Variants in CENPC observed in about 807,000 individuals in gnomAD.
CENPC encodes the protein centromere protein C.
CENPC carries 63 observed loss-of-function variants against 112.1 expected under a neutral mutation model. The observed-to-expected ratio is 0.56, with a 90% CI of 0.46 to 0.69. CENPC has a LOEUF of 0.69. Among genes scored for constraint, CENPC ranks in the 30% least tolerant of loss-of-function variants. The pLI is 0.00. For missense variants in CENPC, 1,000 were observed against 1,103.8 expected (o/e 0.91, Z 1.33); for synonymous variants, 333 against 367.6 (o/e 0.91, Z 1.08).
chr4:67,483,038 T>C (rs1425297119), intron 17 of CENPC, among the ~76,000 whole-genome samples: 1 of 152,032 alleles, frequency 6.6e-6, no homozygotes, highest in Admixed American at 6.6e-5. Context: ...AAGGGGCTTT[T>C]CCCCCTCGCT....
chr4:67,473,531 T>C (rs1235428672), intron 18 of CENPC, among the ~76,000 whole-genome samples: 1 of 152,130 alleles, frequency 6.6e-6, no homozygotes, highest in Non-Finnish European at 1.5e-5. Context: ...CTTGCAGCAA[T>C]ACATGGACAT....
intron 11 of CENPC, 99 bp from the exon 12 acceptor site, chr4:67,505,383 T>C (rs1332560188): frequency 4.3e-6 from 3 of 705,860 alleles, no homozygotes; most frequent in Non-Finnish European, 7.2e-6. Flanking sequence ...CTGCCATAAG[T>C]CTTTCTTATA....
At chr4:67,516,806 T>A (rs1726070543) in intron 7 of CENPC, among the ~76,000 whole-genome samples, 1 of 151,944 alleles carries the variant, frequency 6.6e-6, no homozygotes, top group African/African-American at 2.4e-5. Flanking sequence ...TTAGGCTAGA[T>A]CTTGGAGGAT....
rs549787948 is a variant in CENPC at position 67,491,634 on chromosome 4, A to G, written c.2515+546T>C. On this transcript the variant is annotated intron_variant, in intron 16 of 18. Transcript: ENST00000273853. ...AGAGACTAAATATTTAATCCAATAC[A>G]GCAGGAGGCTTCCAGGACTTTGCAG... Among the ~76,000 whole-genome samples the G allele has an allele frequency of 2.8e-3, 419 of 151,790 alleles. 1 individual carries two copies. Among genetic ancestry groups the G allele is most frequent in the African/African-American group, 9.7e-3 (399 of 41,342 alleles).
At chr4:67,494,009 A>G (rs532675879) in intron 13 of CENPC, 21 bp from the exon 14 acceptor site, 2 of 1,515,874 alleles carry the variant, frequency 1.3e-6, no homozygotes, top group South Asian at 2.3e-5. Context: ...ATGTCAGACA[A>G]AAGTGTATAC....
At chr4:67,490,870 A>G (rs1725238053) in intron 16 of CENPC, among the ~76,000 whole-genome samples, 1 of 42,238 alleles carries the variant, frequency 2.4e-5, no homozygotes, top group Non-Finnish European at 5.8e-5. Flanking sequence ...ATATATATAT[A>G]TATATATAGA....
At chr4:67,522,718 G>A (rs1726262100) in intron 5 of CENPC, among the ~76,000 whole-genome samples, 1 of 152,180 alleles carries the variant, frequency 6.6e-6, no homozygotes. Context: ...ATGAATCAAA[G>A]GCCAGGTGTG....
intron 8 of CENPC, 30 bp downstream of exon 8, chr4:67,514,044 C>G (rs1221335575): frequency 1.3e-6 from 2 of 1,522,238 alleles, no homozygotes; most frequent in Non-Finnish European, 1.7e-6. Flanking sequence ...TAGAATAATG[C>G]TCATGGTTAT....
chr4:67,522,815 C>T (rs1022884845), intron 5 of CENPC, among the ~76,000 whole-genome samples: 1 of 152,008 alleles, frequency 6.6e-6, no homozygotes, highest in Non-Finnish European at 1.5e-5. Context: ...GCCTGGCCAA[C>T]ATGGTGAAAC....
At chr4:67,518,972 T>C (rs1726138895) in intron 6 of CENPC, among the ~76,000 whole-genome samples, 1 of 152,188 alleles carries the variant, frequency 6.6e-6, no homozygotes, top group African/African-American at 2.4e-5. Flanking sequence ...CAATCAAATA[T>C]TATCAGAGAG....
chr4:67,525,923 A>T (rs1726363334), intron 5 of CENPC, among the ~76,000 whole-genome samples: 1 of 152,244 alleles, frequency 6.6e-6, no homozygotes, highest in East Asian at 1.9e-4. Flanking sequence ...AACCAACCCA[A>T]ATGCCCATCA....
In CENPC at chr4:67,530,915, C is replaced by A; in HGVS notation, c.232-1G>T. ...CTGACTTTGGATGTGATTTCTGGCA[C>A]TGAGCACAGAAGAAATACAACATTA... On this transcript the variant is annotated splice_acceptor_variant, in intron 4 of 18. Transcript: ENST00000273853. LOFTEE classifies it high-confidence loss of function. 6.6e-7 allele frequency: 1 copy of A among 1,521,996 alleles called. No individual in the cohort carries two copies. Among genetic ancestry groups the A allele is most frequent in the South Asian group, 1.2e-5 (1 of 85,814 alleles). 94.3% of individuals were successfully genotyped at this position (1,521,996 alleles called of 1,614,324 possible). A position where few individuals can be genotyped will look rare whatever the true frequency, so the allele number is the denominator to read the frequency against.
chr4:67,498,846 G>A (rs1275039212), intron 12 of CENPC, among the ~76,000 whole-genome samples: 1 of 152,102 alleles, frequency 6.6e-6, no homozygotes, highest in Non-Finnish European at 1.5e-5. Flanking sequence ...TAGTTTTAAT[G>A]GCATCTAGAA....
chr4:67,542,725 T>A (rs575338503), intron 2 of CENPC, among the ~76,000 whole-genome samples: 1 of 152,154 alleles, frequency 6.6e-6, no homozygotes, highest in South Asian at 2.1e-4. Flanking sequence ...TAAACCTAAG[T>A]AGTATTAGTG....
At chr4:67,498,106 C>T (rs1355482626) in intron 12 of CENPC, among the ~76,000 whole-genome samples, 1 of 151,704 alleles carries the variant, frequency 6.6e-6, no homozygotes, top group Non-Finnish European at 1.5e-5. Flanking sequence ...GTGGTGTACA[C>T]TTTGTAATCC....
intron 12 of CENPC, among the ~76,000 whole-genome samples, chr4:67,500,310 A>G (rs1324326097): frequency 6.6e-6 from 1 of 152,180 alleles, no homozygotes; most frequent in African/African-American, 2.4e-5. Context: ...AAATATAGAA[A>G]TAGATATAGA....
intron 2 of CENPC, among the ~76,000 whole-genome samples, chr4:67,542,402 T>C (rs944858485): frequency 6.6e-6 from 1 of 152,188 alleles, no homozygotes; most frequent in African/African-American, 2.4e-5. Flanking sequence ...GTACTATATA[T>C]GCAGTAATTA....
chr4:67,520,080 C>T (rs1415364622), intron 5 of CENPC, among the ~76,000 whole-genome samples: 1 of 152,150 alleles, frequency 6.6e-6, no homozygotes, highest in African/African-American at 2.4e-5. Context: ...CTAGTATAAC[C>T]TGTAACCACC....
intron 4 of CENPC, among the ~76,000 whole-genome samples, chr4:67,538,029 G>A (rs912755325): frequency 5.9e-5 from 9 of 151,880 alleles, no homozygotes; most frequent in Admixed American, 1.3e-4. Flanking sequence ...TAAAATTCTC[G>A]CAAAGAGAAA....
Sources: allele counts gnomAD v4.1 joint callset (sites outside exome capture counted in the v4.1 genomes callset), GRCh38; gene constraint gnomAD v4.1.1; transcripts MANE v1.5; gene names NCBI Gene and HGNC (gene_info 2026-07-23, HGNC 2026-07-21).